Variants in TENM2 observed in about 807,000 individuals in gnomAD.
TENM2 encodes the protein teneurin-2.
A neutral mutation model predicts 245.2 loss-of-function variants in TENM2; 52 were observed. The observed-to-expected ratio is 0.21, with a 90% confidence interval of 0.17 to 0.27. The LOEUF (loss-of-function observed/expected upper bound fraction) is 0.27. Among genes scored for constraint, TENM2 ranks in the 10% least tolerant of loss-of-function variants. The pLI, the probability that TENM2 is intolerant of heterozygous loss-of-function variation, is 1.00. For synonymous variants in TENM2, 1,363 were observed against 1,438.9 expected, an observed-to-expected ratio of 0.95 and a Z score of 1.19; for missense variants, 3,046 against 3,666.8, an observed-to-expected ratio of 0.83 and a Z score of 4.37.
chr5:168,257,408 A>C (rs975859920), intron 27 of TENM2, among the ~76,000 whole-genome samples: 5 of 152,304 alleles, frequency 3.3e-5, no homozygotes, highest in African/African-American at 1.2e-4. Flanking sequence ...GGGCCTACCA[A>C]CATAAAGGTG....
chr5:167,687,628 A>G lies in TENM2; in HGVS notation c.503-188358A>G, dbSNP rs1757160252. Among the ~76,000 whole-genome samples the G allele has an allele frequency of 5.3e-5, 8 of 152,236 alleles. 1 individual carries two copies. In the South Asian group the frequency reaches 1.7e-3, roughly 31 times the overall value. ...TGTTTCAGTTGAGATATTTAAAAAG[A>G]AATTCTAAATGATCAAGGTACTTTG... is the stretch of plus-strand genomic sequence containing the variant. On this transcript the variant is annotated intron_variant, in intron 2 of 28. Coordinates refer to ENST00000518659, the Ensembl canonical transcript of TENM2.
At chr5:167,718,734 A>C (rs1284637244) in intron 2 of TENM2, among the ~76,000 whole-genome samples, 1 of 152,200 alleles carries the variant, frequency 6.6e-6, no homozygotes, top group Non-Finnish European at 1.5e-5. Flanking sequence ...AGCAGGCTTC[A>C]GTTAAGAAAG....
At chr5:168,154,411 A>G (rs969181656) in intron 12 of TENM2, among the ~76,000 whole-genome samples, 2 of 152,010 alleles carry the variant, frequency 1.3e-5, no homozygotes, top group African/African-American at 4.8e-5. Flanking sequence ...GAGACTAAAC[A>G]ACGGGGTTTC....
chr5:167,616,676 A>G (rs1777806110), intron 2 of TENM2, among the ~76,000 whole-genome samples: 1 of 152,008 alleles, frequency 6.6e-6, no homozygotes, highest in Admixed American at 6.6e-5. Flanking sequence ...AGAAGGAGAG[A>G]GGGAGGGGAT....
chr5:167,446,099 C>A (rs1582069643), intron 2 of TENM2, among the ~76,000 whole-genome samples: 1 of 152,060 alleles, frequency 6.6e-6, no homozygotes, highest in South Asian at 2.1e-4. Context: ...CGGGTAATCA[C>A]TTGTTGGCAA....
At chr5:167,005,156 T>C in the TENM2 span, among the ~76,000 whole-genome samples, 3 of 152,212 alleles carry the variant, frequency 2.0e-5, no homozygotes, top group Non-Finnish European at 2.9e-5. Context: ...GAATATAGTA[T>C]GGATTCGAGC....
chr5:167,451,057 C>T (rs577997040), intron 2 of TENM2, among the ~76,000 whole-genome samples: 6 of 152,142 alleles, frequency 3.9e-5, no homozygotes, highest in East Asian at 1.9e-4. Context: ...TAAACTGTTT[C>T]GTAAAATGTA....
At chr5:168,068,052 C>A (rs964589889) in intron 7 of TENM2, among the ~76,000 whole-genome samples, 3 of 152,144 alleles carry the variant, frequency 2.0e-5, no homozygotes, top group African/African-American at 7.2e-5. Flanking sequence ...AAAGGACTTT[C>A]TGGACAGACC....
At chr5:167,011,857 C>T in the TENM2 span, among the ~76,000 whole-genome samples, 3 of 152,192 alleles carry the variant, frequency 2.0e-5, no homozygotes. Flanking sequence ...TATTAAATTA[C>T]TCTGTCTTAG....
At chr5:167,313,962 C>G (rs1030126525) in intron 1 of TENM2, among the ~76,000 whole-genome samples, 1 of 152,110 alleles carries the variant, frequency 6.6e-6, no homozygotes, top group African/African-American at 2.4e-5. Flanking sequence ...TTCCCTGTCC[C>G]GAGTCTCATT....
chr5:167,793,633 G>C (rs913732185), intron 2 of TENM2, among the ~76,000 whole-genome samples: 1 of 151,770 alleles, frequency 6.6e-6, no homozygotes, highest in Non-Finnish European at 1.5e-5. Flanking sequence ...CCAGGAGTTC[G>C]AGACCAGCCT....
intron 14 of TENM2, among the ~76,000 whole-genome samples, chr5:168,193,839 C>A (rs971031804): frequency 1.3e-5 from 2 of 152,176 alleles, no homozygotes; most frequent in African/African-American, 4.8e-5. Flanking sequence ...GGATTATTTT[C>A]ATAAATTAGT....
intron 2 of TENM2, among the ~76,000 whole-genome samples, chr5:167,409,957 T>A (rs1762823923): frequency 6.6e-6 from 1 of 152,018 alleles, no homozygotes; most frequent in Non-Finnish European, 1.5e-5. Context: ...AAATTAGGAT[T>A]TGAAATTTGT....
intron 1 of TENM2, among the ~76,000 whole-genome samples, chr5:167,300,028 C>T (rs945578649): frequency 6.6e-6 from 1 of 152,108 alleles, no homozygotes; most frequent in Non-Finnish European, 1.5e-5. Context: ...GACATGAGGG[C>T]TAGGCTAAAA....
At chr5:167,533,345 A>G (rs1051655073) in intron 2 of TENM2, among the ~76,000 whole-genome samples, 4 of 152,288 alleles carry the variant, frequency 2.6e-5, no homozygotes, top group Admixed American at 2.6e-4. Flanking sequence ...GGAAAGTTTT[A>G]TTTGTACAGG....
rs139801951 is a variant in TENM2, at chr5:167,358,421, A to G, written c.227-16777A>G. Among the ~76,000 whole-genome samples, 696 of 151,294 alleles carry G rather than the reference A, an allele frequency of 4.6e-3. 11 individuals are homozygous for G. The highest frequency in any genetic ancestry group is 0.015 in the African/African-American group (634 of 41,214). Reference sequence around the variant, plus strand: ...ACTTTCTTCATTTAGATTCCATTCTACCATACACTCGTGGCTTTCCTCCCA... The same window carrying G: ...ACTTTCTTCATTTAGATTCCATTCTGCCATACACTCGTGGCTTTCCTCCCA... On this transcript the variant is annotated intron_variant, in intron 1 of 28. Transcript: ENST00000518659.
At chr5:166,992,172 A>G in the TENM2 span, among the ~76,000 whole-genome samples, 1 of 152,138 alleles carries the variant, frequency 6.6e-6, no homozygotes, top group Admixed American at 6.5e-5. Context: ...GATAATTACA[A>G]TGTTACTTTA....
At chr5:167,143,863 T>C in the TENM2 span, among the ~76,000 whole-genome samples, 8 of 152,306 alleles carry the variant, frequency 5.3e-5, no homozygotes, top group Non-Finnish European at 1.0e-4. Flanking sequence ...TTGCTTTGCC[T>C]GGCTTATATA....
intron 2 of TENM2, among the ~76,000 whole-genome samples, chr5:167,717,202 C>T (rs1290587767): frequency 6.6e-6 from 1 of 152,028 alleles, no homozygotes; most frequent in Non-Finnish European, 1.5e-5. Context: ...GTGATCTGCC[C>T]ACCTCAGCCT....
Sources: gnomAD v4.1 joint callset for allele counts (sites outside exome capture counted in the v4.1 genomes callset) on GRCh38, gnomAD v4.1.1 for gene constraint, MANE v1.5 for transcripts, NCBI Gene and HGNC (gene_info 2026-07-23, HGNC 2026-07-21) for gene names.